ADAM22: variants seen among roughly 807,000 people sequenced by gnomAD.
ADAM22 encodes ADAM metallopeptidase domain 22.
Under a neutral mutation model 144.6 loss-of-function variants are expected in ADAM22, and 65 were observed. The ratio of observed to expected loss-of-function variants is 0.45; its 90% CI spans 0.37 to 0.55. The LOEUF (loss-of-function observed/expected upper bound fraction) is 0.55, where lower values mean the gene tolerates loss of function less well. ADAM22 is among the 20% of genes least tolerant of loss of function. The pLI is 0.00. For missense variants in ADAM22, 974 were observed against 1,184.9 expected (o/e 0.82, Z 2.61); for synonymous variants, 391 against 412.6 (o/e 0.95, Z 0.63).
chr7:88,090,038 C>T (rs1358240886), intron 4 of ADAM22: 1 of 152,174 alleles, frequency 6.6e-6, no homozygotes, highest in African/African-American at 2.4e-5. Context: ...TCCATTTTGT[C>T]TGCTAGGGAA....
chr7:87,980,287 C>CTTTT (rs71120015), intron 3 of ADAM22, among the ~76,000 whole-genome samples: 6 of 118,424 alleles, frequency 5.1e-5, no homozygotes, highest in African/African-American at 1.5e-4. Flanking sequence ...GCACTGTGCT[C>CTTTT]TTTTTTTTTT....
chr7:88,188,458 T>G (rs1162681532), intron 30 of ADAM22, among the ~76,000 whole-genome samples: 1 of 152,212 alleles, frequency 6.6e-6, no homozygotes, highest in Non-Finnish European at 1.5e-5. Flanking sequence ...TTGTTTTCTC[T>G]TCTAATATGA....
intron 3 of ADAM22, among the ~76,000 whole-genome samples, chr7:88,039,464 A>ATATATATATATATATATAT (rs1554420478): frequency 1.3e-5 from 1 of 76,404 alleles, no homozygotes; most frequent in African/African-American, 4.7e-5. Flanking sequence ...AAAAAAAAAA[A>ATATATATATATATATATAT]ATATATATAT....
intron 3 of ADAM22, among the ~76,000 whole-genome samples, chr7:87,978,653 C>T (rs1360389691): frequency 1.3e-5 from 2 of 152,044 alleles, no homozygotes; most frequent in African/African-American, 4.8e-5. Context: ...CAAGAGTTAC[C>T]CCAATATTTT....
At chr7:88,097,857 T>A (rs1031475045) in intron 4 of ADAM22, among the ~76,000 whole-genome samples, 6 of 152,134 alleles carry the variant, frequency 3.9e-5, no homozygotes, top group Non-Finnish European at 7.4e-5. Context: ...TTATTATTCA[T>A]AAAAAGGTAC....
intron 24 of ADAM22, 39 bp downstream of exon 24, chr7:88,165,985 C>T: frequency 6.9e-7 from 1 of 1,457,672 alleles, no homozygotes; most frequent in East Asian, 2.4e-5. Context: ...AGTCTTTATA[C>T]ACAAAGAGAA....
chr7:88,100,449 C>T (rs55705831), intron 4 of ADAM22, among the ~76,000 whole-genome samples: 2,477 of 152,200 alleles, frequency 0.016, 78 homozygotes, highest in African/African-American at 0.056. Flanking sequence ...AATCTTTTCA[C>T]TTTTCTTAGC....
chr7:88,084,558 A>G (rs182576762), intron 4 of ADAM22, among the ~76,000 whole-genome samples: 2 of 152,260 alleles, frequency 1.3e-5, no homozygotes, highest in East Asian at 3.9e-4. Flanking sequence ...TCAGTAGCCA[A>G]TTATTTCTCT....
chr7:88,143,031 A>T lies in ADAM22; in HGVS notation c.1226A>T (p.Tyr409Phe). The T allele has an allele frequency of 6.2e-7, 1 of 1,601,360 alleles. No individual in the cohort carries two copies. The highest frequency in any genetic ancestry group is 8.5e-7 in the Non-Finnish European group (1 of 1,169,916). The change falls in exon 15 of 32, where the codon TAT becomes TTT. Residue 409 changes from tyrosine (Y) to phenylalanine (F), a missense_variant. Physicochemically the swap from Tyr to Phe is conservative, Grantham distance 22. Coordinates refer to ENST00000413139, the MANE Select transcript of ADAM22 (RefSeq NM_001324418.2). ...GCTTTTCTTCTCTTTTATAGCTATT[A>T]TCTTCCTAAAAAGTTCACCCAGTGT... The part of the protein sequence containing the change: ...SGCIMGDTGY[Y>F]LPKKFTQCNI...
intron 3 of ADAM22, among the ~76,000 whole-genome samples, chr7:88,052,561 A>G (rs7790601): frequency 0.063 from 9,618 of 152,152 alleles, 1,040 homozygotes; most frequent in African/African-American, 0.22. Context: ...GCATACTTTT[A>G]GAATCTTTAG....
intron 30 of ADAM22, among the ~76,000 whole-genome samples, 159 bp downstream of exon 30, chr7:88,186,860 C>T (rs1162388638): frequency 2.0e-5 from 3 of 152,112 alleles, no homozygotes; most frequent in East Asian, 1.9e-4. Flanking sequence ...GTTTTTGCTT[C>T]GTGAGCAAGT....
intron 30 of ADAM22, among the ~76,000 whole-genome samples, chr7:88,187,340 G>T (rs2129539594): frequency 6.6e-6 from 1 of 152,260 alleles, no homozygotes; most frequent in East Asian, 1.9e-4. Context: ...AAGCATGTAA[G>T]AAATTTTTTA....
chr7:88,062,093 T>C (rs1467634393), intron 3 of ADAM22, among the ~76,000 whole-genome samples: 2 of 152,142 alleles, frequency 1.3e-5, no homozygotes, highest in Non-Finnish European at 2.9e-5. Flanking sequence ...TCGTCTTGCC[T>C]TGGTCTCCTG....
At chr7:88,169,472 G>A (rs191663193) in intron 25 of ADAM22, among the ~76,000 whole-genome samples, 5 of 152,026 alleles carry the variant, frequency 3.3e-5, no homozygotes, top group Admixed American at 2.6e-4. Context: ...TAAACTAATT[G>A]CTCTCCCTTT....
intron 3 of ADAM22, among the ~76,000 whole-genome samples, chr7:87,990,264 T>C (rs1789484591): frequency 1.3e-5 from 2 of 152,164 alleles, no homozygotes; most frequent in Admixed American, 1.3e-4. Context: ...GGGAGTGCAA[T>C]GGAGCTTTAT....
chr7:88,150,905 G>C, intron 18 of ADAM22, 76 bp from the exon 19 acceptor site: 1 of 1,253,142 alleles, frequency 8.0e-7, no homozygotes, highest in Non-Finnish European at 1.2e-6. Context: ...GTTTTTAAAA[G>C]TGAAAACATT....
At chr7:87,964,825 T>G (rs1848693082) in intron 2 of ADAM22, 2 of 249,060 alleles carry the variant, frequency 8.0e-6, no homozygotes, top group Non-Finnish European at 1.6e-5. Flanking sequence ...AGACACCAGC[T>G]GGTAGTATGT....
rs1264823113 is a variant in ADAM22, at chr7:88,202,391, T to C, written c.*5900T>C. The C allele has an allele frequency of 6.6e-6, 1 of 152,180 alleles. No homozygotes were observed. The highest frequency in any genetic ancestry group is 1.5e-5 in the Non-Finnish European group (1 of 68,046). The allele number at this position is 152,180 out of a possible 1,614,324, so 9.4% of individuals were successfully genotyped here. A position where few individuals can be genotyped will look rare whatever the true frequency, so the allele number is the denominator to read the frequency against. ...TTACCTAAACATAGTAGCTTACATG[T>C]TAGCCAGCAGTAGGTCGGCACTAGT... On this transcript the variant is annotated 3_prime_UTR_variant, in exon 32 of 32. Coordinates refer to ENST00000413139, the MANE Select transcript of ADAM22 (RefSeq NM_001324418.2).
intron 4 of ADAM22, among the ~76,000 whole-genome samples, chr7:88,079,411 A>G (rs1016000247): frequency 5.3e-5 from 8 of 152,334 alleles, no homozygotes; most frequent in African/African-American, 1.7e-4. Flanking sequence ...TGTAAAGACC[A>G]TCGAGGCTAG....
Sources: gnomAD v4.1 joint callset for allele counts (sites outside exome capture counted in the v4.1 genomes callset) on GRCh38, gnomAD v4.1.1 for gene constraint, MANE v1.5 for transcripts, NCBI Gene and HGNC (gene_info 2026-07-23, HGNC 2026-07-21) for gene names.